FGF12: variants seen among roughly 807,000 people sequenced by gnomAD.
The protein encoded by FGF12 is fibroblast growth factor 12.
Under a neutral mutation model 23.6 loss-of-function variants are expected in FGF12, and 14 were observed. The observed-to-expected ratio is 0.59, with a 90% confidence interval of 0.39 to 0.93. FGF12 has a LOEUF of 0.93. Ranked by LOEUF, FGF12 falls within the 40% of genes least tolerant of loss-of-function variation. The probability of loss-of-function intolerance (pLI) is 0.00; values close to 1 mark genes in which losing one functional copy is unlikely to be tolerated. For synonymous variants in FGF12, 62 were observed against 77.3 expected (o/e 0.80, Z 1.04); for missense variants, 175 against 217.8 (o/e 0.80, Z 1.24).
intron 2 of FGF12, among the ~76,000 whole-genome samples, chr3:192,715,514 A>G (rs1318702186): frequency 3.9e-5 from 6 of 152,220 alleles, no homozygotes; most frequent in African/African-American, 1.4e-4. Flanking sequence ...TCCCTTCTGC[A>G]AGAGTGAGTT....
At chr3:192,716,294 A>G (rs1306844229) in intron 2 of FGF12, among the ~76,000 whole-genome samples, 5 of 152,200 alleles carry the variant, frequency 3.3e-5, no homozygotes, top group Admixed American at 1.3e-4. Context: ...AAACAATGCA[A>G]TGTTTCCTGG....
intron 2 of FGF12, among the ~76,000 whole-genome samples, chr3:192,660,780 T>C (rs1220031491): frequency 2.6e-5 from 4 of 151,526 alleles, no homozygotes; most frequent in African/African-American, 9.7e-5. Context: ...TACAAATCTA[T>C]TACACTCTCA....
intron 2 of FGF12, among the ~76,000 whole-genome samples, chr3:192,549,629 G>A (rs904339684): frequency 2.0e-5 from 3 of 152,252 alleles, no homozygotes; most frequent in East Asian, 1.9e-4. Context: ...GTTTCTAGAT[G>A]AGACTCACAT....
chr3:192,602,755 A>C (rs1714167514), intron 2 of FGF12, among the ~76,000 whole-genome samples: 1 of 151,830 alleles, frequency 6.6e-6, no homozygotes, highest in Non-Finnish European at 1.5e-5. Context: ...AATACAGGTC[A>C]ATATCCCTGA....
At chr3:192,474,816 T>C (rs1238952511) in intron 2 of FGF12, among the ~76,000 whole-genome samples, 1 of 143,972 alleles carries the variant, frequency 6.9e-6, no homozygotes, top group Non-Finnish European at 1.5e-5. Flanking sequence ...ACCCGGGAGG[T>C]AGAGGTTGCA....
chr3:192,365,188 C>T (rs4632492), intron 2 of FGF12, among the ~76,000 whole-genome samples: 97,647 of 151,450 alleles, frequency 0.64, 34,393 homozygotes, highest in East Asian at 0.93. Context: ...ATCATAGGCC[C>T]GTTTCGAAAT....
chr3:192,189,569 G>C (rs1716669064), intron 4 of FGF12, among the ~76,000 whole-genome samples: 1 of 152,144 alleles, frequency 6.6e-6, no homozygotes, highest in Non-Finnish European at 1.5e-5. Flanking sequence ...TGAGCTGTTA[G>C]AGTGGGCTCT....
intron 2 of FGF12, among the ~76,000 whole-genome samples, chr3:192,404,532 A>G (rs1380717831): frequency 6.6e-6 from 1 of 152,242 alleles, no homozygotes; most frequent in Non-Finnish European, 1.5e-5. Flanking sequence ...AATAGTCTAG[A>G]TACAACAAAT....
intron 2 of FGF12, among the ~76,000 whole-genome samples, chr3:192,371,944 G>A (rs148910218): frequency 6.6e-6 from 1 of 152,242 alleles, no homozygotes; most frequent in East Asian, 1.9e-4. Flanking sequence ...CACAAACCCT[G>A]TGGAAATCTA....
chr3:192,403,547 GT>G lies in FGF12; in HGVS notation c.14-43010del, dbSNP rs11424277. Reference sequence around the variant, plus strand: ...TTTCTGAAAAGTTAGGGGTCTTACTGTTTTTTTTTTTTTAACAAAAATCAAG... The same window carrying G: ...TTTCTGAAAAGTTAGGGGTCTTACTGTTTTTTTTTTTTAACAAAAATCAAG... On this transcript the variant is annotated intron_variant, in intron 2 of 5. Coordinates refer to ENST00000445105, the MANE Select transcript of FGF12 (RefSeq NM_004113.6). Among the ~76,000 whole-genome samples, 296 of 146,194 alleles carry G rather than the reference GT, an allele frequency of 2.0e-3. 3 individuals carry two copies. The highest frequency in any genetic ancestry group is 1.2e-3 in the East Asian group (6 of 4,948).
chr3:192,446,829 C>T (rs554412932), intron 2 of FGF12, among the ~76,000 whole-genome samples: 1 of 152,330 alleles, frequency 6.6e-6, no homozygotes, highest in African/African-American at 2.4e-5. Context: ...CCCTCCTGTC[C>T]TACAGTATTT....
At chr3:192,370,079 G>T (rs1719155713) in intron 2 of FGF12, among the ~76,000 whole-genome samples, 1 of 152,190 alleles carries the variant, frequency 6.6e-6, no homozygotes, top group Non-Finnish European at 1.5e-5. Flanking sequence ...GTAGCTGGGT[G>T]TGGTCAGGGT....
chr3:192,354,849 G>A (rs1421378072), intron 3 of FGF12, among the ~76,000 whole-genome samples: 2 of 152,078 alleles, frequency 1.3e-5, no homozygotes, highest in African/African-American at 4.8e-5. Context: ...GGAATTACAG[G>A]CATGCACCAC....
intron 4 of FGF12, among the ~76,000 whole-genome samples, chr3:192,244,658 C>T (rs564397075): frequency 1.3e-5 from 2 of 152,068 alleles, no homozygotes; most frequent in South Asian, 4.2e-4. Context: ...ATTATCTGTT[C>T]AAAGGGAAAT....
Position 192,197,082 on chromosome 3 carries a change from T to A in FGF12, c.229-26426A>T, listed in dbSNP as rs189218979. ...CCCTTAGAATTAATTATCTAAAAAT[T>A]ATAATGGATTACTGTTCCTATTGAT... On this transcript the variant is annotated intron_variant, in intron 4 of 5. Transcript: ENST00000445105. Among the ~76,000 whole-genome samples the A allele has an allele frequency of 6.1e-3, 935 of 152,336 alleles. 12 individuals carry two copies. Among genetic ancestry groups the A allele is most frequent in the East Asian group, 0.032 (165 of 5,186 alleles).
chr3:192,205,570 C>T (rs887474815), intron 4 of FGF12, among the ~76,000 whole-genome samples: 1 of 152,176 alleles, frequency 6.6e-6, no homozygotes, highest in Non-Finnish European at 1.5e-5. Flanking sequence ...AAGAGACTAG[C>T]ATCTTATCCT....
chr3:192,457,836 C>G (rs1722727268), intron 2 of FGF12, among the ~76,000 whole-genome samples: 1 of 152,202 alleles, frequency 6.6e-6, no homozygotes, highest in Non-Finnish European at 1.5e-5. Context: ...CGTCACAGAT[C>G]TTCACTGCAG....
At chr3:192,206,825 A>C (rs7624178) in intron 4 of FGF12, among the ~76,000 whole-genome samples, 26,025 of 151,992 alleles carry the variant, frequency 0.17, 5,495 homozygotes, top group African/African-American at 0.49. Flanking sequence ...TCTGTATCCA[A>C]CTCTAAAGCA....
At chr3:192,181,027 AG>A (rs1716140943) in intron 4 of FGF12, among the ~76,000 whole-genome samples, 1 of 152,158 alleles carries the variant, frequency 6.6e-6, no homozygotes, top group African/African-American at 2.4e-5. Flanking sequence ...GGATGGAATG[AG>A]GGGCAGGAGA....
Sources: allele counts gnomAD v4.1 joint callset (sites outside exome capture counted in the v4.1 genomes callset), GRCh38; gene constraint gnomAD v4.1.1; transcripts MANE v1.5; gene names NCBI Gene and HGNC (gene_info 2026-07-23, HGNC 2026-07-21).